FKBP1A: variants seen among roughly 807,000 people sequenced by gnomAD.
FKBP1A encodes the protein peptidyl-prolyl cis-trans isomerase FKBP1A.
Under a neutral mutation model 14.2 loss-of-function variants are expected in FKBP1A, and 5 were observed. The ratio of observed to expected loss-of-function variants is 0.35; its 90% CI spans 0.18 to 0.74. FKBP1A has a LOEUF of 0.74. FKBP1A is among the 30% of genes least tolerant of loss of function. The probability of loss-of-function intolerance (pLI) is 0.56; values close to 1 mark genes in which losing one functional copy is unlikely to be tolerated. For synonymous variants in FKBP1A, 42 were observed against 49.1 expected, an observed-to-expected ratio of 0.86 and a Z score of 0.60; for missense variants, 53 against 138.8, an observed-to-expected ratio of 0.38 and a Z score of 3.10.
At chr20:1,381,471 C>T (rs1053384371) in intron 2 of FKBP1A, among the ~76,000 whole-genome samples, 1 of 152,210 alleles carries the variant, frequency 6.6e-6, no homozygotes, top group Admixed American at 6.5e-5. Flanking sequence ...AACTGGTATT[C>T]TCATACACTG....
At position 1,369,799 on chromosome 20, in the gene FKBP1A, T is replaced by C. The variant is rs760809823; in HGVS notation, c.*310A>G. The C allele has an allele frequency of 9.4e-6, 4 of 427,186 alleles. No individual in the cohort carries two copies. In the Admixed American group the frequency reaches 1.2e-4, roughly 13 times the overall value. The allele number at this position is 427,186 out of a possible 1,614,324, so 26.5% of individuals were successfully genotyped here. On this transcript the variant is annotated 3_prime_UTR_variant, in exon 5 of 5. Transcript: ENST00000400137. ...GTTAATACTTGACCATGTACTTAAT[T>C]GGAAACCTATATCCAAAAGACTGAA...
chr20:1,369,230 T>C lies in FKBP1A; in HGVS notation c.*879A>G, dbSNP rs2089428350. On this transcript the variant is annotated 3_prime_UTR_variant, in exon 5 of 5. Coordinates refer to ENST00000400137, the MANE Select transcript of FKBP1A (RefSeq NM_000801.5). ...TAAGAGAACATTCAAGGATTTGTCA[T>C]GATGGCTGGGCTTTCACTGGGTGTT... 1 of 167,044 alleles carries C rather than the reference T, an allele frequency of 6.0e-6. No individual in the cohort carries two copies. Among genetic ancestry groups the C allele is most frequent in the Non-Finnish European group, 1.5e-5 (1 of 68,114 alleles). 10.3% of individuals were successfully genotyped at this position (167,044 alleles called of 1,614,324 possible).
At chr20:1,387,239 G>A (rs2089677291) in intron 2 of FKBP1A, among the ~76,000 whole-genome samples, 1 of 152,012 alleles carries the variant, frequency 6.6e-6, no homozygotes, top group African/African-American at 2.4e-5. Flanking sequence ...AAAGGTCATG[G>A]ACCCCACTGA....
chr20:1,392,340 AG>A (rs1480028008), intron 2 of FKBP1A, among the ~76,000 whole-genome samples: 1 of 152,172 alleles, frequency 6.6e-6, no homozygotes, highest in Non-Finnish European at 1.5e-5. Context: ...AGTTCCCCGG[AG>A]GAAGCAGCAG....
intron 2 of FKBP1A, among the ~76,000 whole-genome samples, chr20:1,390,920 G>T (rs1342899471): frequency 2.0e-5 from 3 of 152,222 alleles, no homozygotes; most frequent in Non-Finnish European, 4.4e-5. Flanking sequence ...AAACATGTGG[G>T]TGCGTGCCAC....
At chr20:1,388,957 T>TCCAG (rs2089700643) in intron 2 of FKBP1A, among the ~76,000 whole-genome samples, 2 of 152,198 alleles carry the variant, frequency 1.3e-5, no homozygotes, top group African/African-American at 2.4e-5. Context: ...AGCCTCAGGG[T>TCCAG]CCTGCACTAG....
intron 2 of FKBP1A, among the ~76,000 whole-genome samples, chr20:1,388,746 T>C (rs1331287663): frequency 1.6e-5 from 2 of 123,224 alleles, no homozygotes. Flanking sequence ...GGAGCGTGGG[T>C]TGGGGGGGCG....
chr20:1,375,145 T>C (rs1469036560), intron 3 of FKBP1A: 1 of 498,876 alleles, frequency 2.0e-6, no homozygotes, highest in East Asian at 3.2e-5. Flanking sequence ...TCCACCCATC[T>C]TGGCCTCCCA....
chr20:1,375,436 A>G, intron 3 of FKBP1A, 55 bp downstream of exon 3: 1 of 1,331,760 alleles, frequency 7.5e-7, no homozygotes, highest in Non-Finnish European at 1.1e-6. Flanking sequence ...CCACCTATAA[A>G]AAAATATAAA....
At chr20:1,375,424 T>C (rs541423172) in intron 3 of FKBP1A, 67 bp downstream of exon 3, 3 of 1,142,830 alleles carry the variant, frequency 2.6e-6, no homozygotes, top group African/African-American at 3.1e-5. Flanking sequence ...CGTATAAATA[T>C]GCCACCTATA....
chr20:1,370,360 G>A (rs966620998), intron 4 of FKBP1A: 9 of 985,310 alleles, frequency 9.1e-6, no homozygotes, highest in South Asian at 4.7e-5. Flanking sequence ...TGACAATACA[G>A]TTCCCCACTA....
At chr20:1,385,596 G>A (rs367626135) in intron 2 of FKBP1A, among the ~76,000 whole-genome samples, 10 of 151,788 alleles carry the variant, frequency 6.6e-5, no homozygotes, top group East Asian at 1.9e-4. Flanking sequence ...ACTACCCCTC[G>A]GCTGAAAAAC....
chr20:1,375,479 G>C lies in FKBP1A; in HGVS notation c.198+12C>G. The C allele has an allele frequency of 1.3e-6, 2 of 1,584,688 alleles. No individual in the cohort carries two copies. The highest frequency in any genetic ancestry group is 8.7e-7 in the Non-Finnish European group (1 of 1,153,240). On this transcript the variant is annotated intron_variant, in intron 3 of 4. Transcript: ENST00000400137. ...TACTAGAAAGCAAAACAAAACAAATGAGAGAGCATACCTGGGCAACCCCTT... is the reference window on the plus strand; with the variant it reads ...TACTAGAAAGCAAAACAAAACAAATCAGAGAGCATACCTGGGCAACCCCTT...
rs777947128 is a variant in FKBP1A, at chr20:1,372,262, C to G, written c.199-22G>C. ...TCATCTGTGAAAAGAACAAGGAAGA[C>G]AGACTCAGCTGGACACATGCCCCAA... On this transcript the variant is annotated intron_variant, in intron 3 of 4. Coordinates refer to ENST00000400137, the MANE Select transcript of FKBP1A (RefSeq NM_000801.5). The G allele has an allele frequency of 8.1e-6, 13 of 1,612,770 alleles. No individual in the cohort carries two copies. The East Asian group carries it at 2.5e-4, about 30-fold the overall frequency.
chr20:1,379,926 AG>A lies in FKBP1A; in HGVS notation c.86-4324del, dbSNP rs1476842856. On this transcript the variant is annotated intron_variant, in intron 2 of 4. Transcript: ENST00000400137. The surrounding 1 kb of genome is among the most constrained non-coding windows in gnomAD (Gnocchi z 4.3). ...TCAGCCTGGGGGAGAAGGTGGAAGC[AG>A]TGTTTGTTAAGCTGGAATGAGTGTG... Among the ~76,000 whole-genome samples, 1 of 152,128 alleles carries A rather than the reference AG, an allele frequency of 6.6e-6. No homozygotes were observed.
At chr20:1,373,853 AGAG>A (rs1405492682) in intron 3 of FKBP1A, among the ~76,000 whole-genome samples, 9 of 93,746 alleles carry the variant, frequency 9.6e-5, no homozygotes, top group African/African-American at 2.6e-4. Context: ...CTAGGGAGAC[AGAG>A]GCAAAAAGCT....
rs547083806 is a variant in FKBP1A at position 1,389,157 on chromosome 20, T to C, written c.85+3677A>G. Among the ~76,000 whole-genome samples the C allele has an allele frequency of 1.2e-4, 19 of 152,340 alleles. No homozygotes were observed. In the South Asian group the frequency reaches 3.3e-3, roughly 27 times the overall value. On this transcript the variant is annotated intron_variant, in intron 2 of 4. Coordinates refer to ENST00000400137, the MANE Select transcript of FKBP1A (RefSeq NM_000801.5). ...GCTTCTTACTACCTGATGTGCTCCA[T>C]GGCCATACTATCAGTCTCCTCATCA...
intron 3 of FKBP1A, among the ~76,000 whole-genome samples, chr20:1,373,605 GA>G (rs1198168184): frequency 1.3e-5 from 2 of 152,128 alleles, no homozygotes; most frequent in Non-Finnish European, 2.9e-5. Flanking sequence ...GGCTGTGACT[GA>G]CCCCAAAATA....
At chr20:1,377,605 A>G (rs902318498) in intron 2 of FKBP1A, 1 of 152,322 alleles carries the variant, frequency 6.6e-6, no homozygotes, top group Non-Finnish European at 1.5e-5. Context: ...ACAATACCCA[A>G]TAAACACACT....
Sources: allele counts gnomAD v4.1 joint callset (sites outside exome capture counted in the v4.1 genomes callset), GRCh38; gene constraint gnomAD v4.1.1; non-coding constraint Gnocchi (gnomAD v3.1); transcripts MANE v1.5; gene names NCBI Gene and HGNC (gene_info 2026-07-23, HGNC 2026-07-21).